Variants in DENND1B observed in about 807,000 individuals in gnomAD.
The protein encoded by DENND1B is DENN domain-containing protein 1B.
Under a neutral mutation model 90.1 loss-of-function variants are expected in DENND1B, and 59 were observed. The ratio of observed to expected loss-of-function variants is 0.65; its 90% CI spans 0.53 to 0.81. The LOEUF is 0.81. Among genes scored for constraint, DENND1B ranks in the 40% least tolerant of loss-of-function variants. DENND1B has a pLI of 0.00. For missense variants in DENND1B, 862 were observed against 912.6 expected, an observed-to-expected ratio of 0.94 and a Z score of 0.71; for synonymous variants, 337 against 324.6, an observed-to-expected ratio of 1.04 and a Z score of -0.41.
At chr1:197,725,416 G>C (rs1252990561) in intron 2 of DENND1B, among the ~76,000 whole-genome samples, 5 of 151,922 alleles carry the variant, frequency 3.3e-5, no homozygotes, top group Non-Finnish European at 5.9e-5. Flanking sequence ...CTTTCTAAAG[G>C]AGCAGCTAAA....
Position 197,506,578 on chromosome 1 carries a change from G to T in DENND1B, c.*3882C>A, listed in dbSNP as rs1667741160. On this transcript the variant is annotated 3_prime_UTR_variant, in exon 23 of 23. Transcript: ENST00000620048. ...CTGAAAATCCACATTTTCTACAAGA[G>T]AATGAAGGTCTATTGATTATGAGAC... 6.6e-6 allele frequency: 1 copy of T among 151,400 alleles called. No individual in the cohort carries two copies. The highest frequency in any genetic ancestry group is 2.4e-5 in the African/African-American group (1 of 41,350). The allele number at this position is 151,400 out of a possible 1,614,324, so 9.4% of individuals were successfully genotyped here.
intron 15 of DENND1B, among the ~76,000 whole-genome samples, chr1:197,554,162 C>T (rs1046413056): frequency 3.3e-5 from 5 of 150,540 alleles, no homozygotes; most frequent in African/African-American, 1.2e-4. Context: ...TTACTAGCAG[C>T]ACTTGGTTAC....
At position 197,732,314 on chromosome 1, in the gene DENND1B, C is replaced by T. The variant is rs544155755; in HGVS notation, c.83-17240G>A. ...CTAACTGGCCCACCTATGTGTTTCACGTGTTCTTCTTTCCTTCAACTCACT... is the reference window on the plus strand; with the variant it reads ...CTAACTGGCCCACCTATGTGTTTCATGTGTTCTTCTTTCCTTCAACTCACT... On this transcript the variant is annotated intron_variant, in intron 2 of 22. Coordinates refer to ENST00000620048, the MANE Select transcript of DENND1B (RefSeq NM_001195215.2). Among the ~76,000 whole-genome samples, 3 of 152,244 alleles carry T rather than the reference C, an allele frequency of 2.0e-5. No homozygotes were observed. The East Asian group carries it at 5.8e-4, about 29-fold the overall frequency.
intron 3 of DENND1B, among the ~76,000 whole-genome samples, chr1:197,705,846 G>A (rs1180600103): frequency 2.0e-5 from 3 of 151,854 alleles, no homozygotes; most frequent in Non-Finnish European, 4.4e-5. Flanking sequence ...TCACTGTAGG[G>A]AGTTCTTTTA....
intron 20 of DENND1B, among the ~76,000 whole-genome samples, chr1:197,520,372 G>A (rs911104058): frequency 1.3e-5 from 2 of 151,886 alleles, no homozygotes; most frequent in Non-Finnish European, 2.9e-5. Flanking sequence ...ATTCCTCATT[G>A]TATGAACATA....
chr1:197,622,054 A>C lies in DENND1B; in HGVS notation c.673-4295T>G, dbSNP rs1264582388. ...GAATCATGAGAAGGGACAAGAACTAATGCCTGTGAAACCAGACAGAGAAAC... is the reference window on the plus strand; with the variant it reads ...GAATCATGAGAAGGGACAAGAACTACTGCCTGTGAAACCAGACAGAGAAAC... On this transcript the variant is annotated intron_variant, in intron 10 of 22. Coordinates refer to ENST00000620048, the MANE Select transcript of DENND1B (RefSeq NM_001195215.2). 2.0e-5 allele frequency among the ~76,000 whole-genome samples: 3 copies of C among 151,476 alleles called. No individual in the cohort carries two copies. The South Asian group carries it at 6.2e-4, about 31-fold the overall frequency.
At chr1:197,635,421 C>A (rs1006994454) in intron 10 of DENND1B, among the ~76,000 whole-genome samples, 1 of 152,100 alleles carries the variant, frequency 6.6e-6, no homozygotes, top group East Asian at 1.9e-4. Flanking sequence ...CACTACAGTA[C>A]TAAACTCCTG....
At position 197,610,786 on chromosome 1, in the gene DENND1B, A is replaced by C. The variant is rs536458349; in HGVS notation, c.819+1145T>G. ...GCATGTAAGAATAAGTTTTCTAGAAATGAATAAAAAATAAGGAGTCATAAA... is the reference window on the plus strand; with the variant it reads ...GCATGTAAGAATAAGTTTTCTAGAACTGAATAAAAAATAAGGAGTCATAAA... On this transcript the variant is annotated intron_variant, in intron 12 of 22. Transcript: ENST00000620048. Among the ~76,000 whole-genome samples, 67 of 150,926 alleles carry C rather than the reference A, an allele frequency of 4.4e-4. 1 individual carries two copies. The highest frequency in any genetic ancestry group is 8.2e-4 in the Non-Finnish European group (55 of 67,218).
At chr1:197,733,035 C>G (rs1388190910) in intron 2 of DENND1B, among the ~76,000 whole-genome samples, 1 of 151,940 alleles carries the variant, frequency 6.6e-6, no homozygotes, top group Non-Finnish European at 1.5e-5. Context: ...TTTCTATAGA[C>G]AAACATGATC....
chr1:197,529,242 A>ATATGTGTGTG (rs1553277550), intron 20 of DENND1B, among the ~76,000 whole-genome samples: 12 of 10,858 alleles, frequency 1.1e-3, no homozygotes, highest in African/African-American at 2.0e-3. Flanking sequence ...ATATATATAT[A>ATATGTGTGTG]TGTGTGTGTG....
intron 5 of DENND1B, among the ~76,000 whole-genome samples, chr1:197,663,723 AC>A (rs1448344336): frequency 6.6e-6 from 1 of 152,040 alleles, no homozygotes; most frequent in Non-Finnish European, 1.5e-5. Flanking sequence ...TATTCAGATC[AC>A]CGTACTTACC....
At chr1:197,571,455 T>C (rs1194677279) in intron 15 of DENND1B, among the ~76,000 whole-genome samples, 2 of 152,220 alleles carry the variant, frequency 1.3e-5, no homozygotes, top group Admixed American at 6.5e-5. Context: ...CAATTCTCTC[T>C]ACCTGTAACC....
chr1:197,775,113 C>T (rs1028203970), intron 1 of DENND1B, 26 bp downstream of exon 1: 1 of 1,264,298 alleles, frequency 7.9e-7, no homozygotes, highest in Non-Finnish European at 1.0e-6. Flanking sequence ...CGCCCGCCCC[C>T]GACGCGCCCG....
At chr1:197,552,360 C>T (rs1671307590) in intron 16 of DENND1B, 4 of 985,292 alleles carry the variant, frequency 4.1e-6, no homozygotes, top group Non-Finnish European at 4.8e-6. Context: ...ATTTCAAGGA[C>T]TCAAGCAAAA....
At chr1:197,630,937 G>A (rs74732144) in intron 10 of DENND1B, among the ~76,000 whole-genome samples, 15 of 152,138 alleles carry the variant, frequency 9.9e-5, no homozygotes, top group East Asian at 1.9e-4. Context: ...TACTCACCTC[G>A]TCACAACTCT....
At chr1:197,640,100 T>C (rs918475851) in intron 10 of DENND1B, among the ~76,000 whole-genome samples, 1 of 152,154 alleles carries the variant, frequency 6.6e-6, no homozygotes. Flanking sequence ...TGATAACAAT[T>C]TGTTTTTAAA....
intron 6 of DENND1B, 50 bp downstream of exon 6, chr1:197,658,248 TTG>T: frequency 7.1e-7 from 1 of 1,408,394 alleles, no homozygotes; most frequent in Non-Finnish European, 1.0e-6. Flanking sequence ...ATGGTAAGTT[TTG>T]TGTTATAAGT....
intron 14 of DENND1B, among the ~76,000 whole-genome samples, chr1:197,587,574 A>G (rs1674809913): frequency 6.6e-6 from 1 of 152,126 alleles, no homozygotes; most frequent in East Asian, 1.9e-4. Flanking sequence ...GGTTATTTTC[A>G]TATATCTTAT....
chr1:197,539,156 C>T (rs1670140358), intron 20 of DENND1B, among the ~76,000 whole-genome samples: 1 of 152,192 alleles, frequency 6.6e-6, no homozygotes, highest in Non-Finnish European at 1.5e-5. Context: ...AACTGAGCAT[C>T]AGAGATGGCT....
Sources: gnomAD v4.1 joint callset for allele counts (sites outside exome capture counted in the v4.1 genomes callset) on GRCh38, gnomAD v4.1.1 for gene constraint, MANE v1.5 for transcripts, NCBI Gene and HGNC (gene_info 2026-07-23, HGNC 2026-07-21) for gene names.